KAZN: variants seen among roughly 807,000 people sequenced by gnomAD.
KAZN encodes the protein kazrin, periplakin interacting protein, also known as kazrin.
A neutral mutation model predicts 87.4 loss-of-function variants in KAZN; 40 were observed. The ratio of observed to expected loss-of-function variants is 0.46; its 90% CI spans 0.36 to 0.60. The LOEUF (loss-of-function observed/expected upper bound fraction) is 0.60, where lower values mean the gene tolerates loss of function less well. Ranked by LOEUF, KAZN falls within the 20% of genes least tolerant of loss-of-function variation. The probability of loss-of-function intolerance (pLI) is 0.00; values close to 1 mark genes in which losing one functional copy is unlikely to be tolerated. For synonymous variants in KAZN, 466 were observed against 458.3 expected, an observed-to-expected ratio of 1.02 and a Z score of -0.22; for missense variants, 898 against 1,073.9, an observed-to-expected ratio of 0.84 and a Z score of 2.29.
At chr1:14,388,288 G>C (rs186874144) in intron 2 of KAZN, among the ~76,000 whole-genome samples, 1 of 152,152 alleles carries the variant, frequency 6.6e-6, no homozygotes, top group African/African-American at 2.4e-5. Context: ...CATTGCTCAC[G>C]CTGGGAGCTG....
chr1:15,036,429 T>G (rs937461961), intron 3 of KAZN, among the ~76,000 whole-genome samples: 4 of 145,236 alleles, frequency 2.8e-5, no homozygotes, highest in Admixed American at 2.7e-4. Flanking sequence ...CCCTGCCTGT[T>G]TGGCCTGGCT....
chr1:14,542,804 C>T (rs2148497667), intron 2 of KAZN, among the ~76,000 whole-genome samples: 1 of 152,314 alleles, frequency 6.6e-6, no homozygotes, highest in East Asian at 1.9e-4. Flanking sequence ...TCGACTCACC[C>T]CGGGCAAGCG....
chr1:13,980,276 C>T (rs1638598946), intron 1 of KAZN, among the ~76,000 whole-genome samples: 1 of 152,128 alleles, frequency 6.6e-6, no homozygotes, highest in Non-Finnish European at 1.5e-5. Flanking sequence ...AAGTAGTTTT[C>T]ATTTCAATAC....
intron 2 of KAZN, among the ~76,000 whole-genome samples, chr1:14,306,532 G>A (rs186584023): frequency 2.4e-4 from 36 of 152,260 alleles, no homozygotes; most frequent in Admixed American, 4.6e-4. Context: ...ATCTGGGCCT[G>A]GACAGTCATA....
At chr1:15,068,223 G>A (rs1005141691) in intron 8 of KAZN, 5 of 369,584 alleles carry the variant, frequency 1.4e-5, no homozygotes, top group Non-Finnish European at 3.7e-6. Context: ...GGGAGGCACA[G>A]GCTGGCATGA....
At chr1:14,870,842 C>A (rs1326674054) in intron 1 of KAZN, among the ~76,000 whole-genome samples, 1 of 152,146 alleles carries the variant, frequency 6.6e-6, no homozygotes, top group African/African-American at 2.4e-5. Context: ...GAATCTTACT[C>A]CACAACCAAG....
intron 1 of KAZN, among the ~76,000 whole-genome samples, chr1:14,747,024 A>G (rs1485970673): frequency 1.3e-5 from 2 of 152,116 alleles, no homozygotes; most frequent in Non-Finnish European, 2.9e-5. Context: ...GGTAGTTTCT[A>G]TTCTACCTTC....
chr1:14,883,345 A>AGG (rs1491202513), intron 1 of KAZN, among the ~76,000 whole-genome samples: 1 of 28,518 alleles, frequency 3.5e-5, no homozygotes, highest in African/African-American at 8.5e-5. Context: ...AGAGAGAGAA[A>AGG]GAAAGAAAGA....
intron 1 of KAZN, among the ~76,000 whole-genome samples, chr1:14,729,796 C>T (rs2050125): frequency 0.26 from 39,057 of 152,106 alleles, 5,640 homozygotes; most frequent in South Asian, 0.37. Flanking sequence ...ACTACCCAGC[C>T]TGTTTCCGTG....
intron 2 of KAZN, among the ~76,000 whole-genome samples, chr1:15,018,026 G>A (rs1174422821): frequency 6.6e-6 from 1 of 151,908 alleles, no homozygotes; most frequent in Non-Finnish European, 1.5e-5. Flanking sequence ...TCTCCCCTCT[G>A]ATCTCCCTGG....
rs75478899 is a variant in KAZN at position 14,766,377 on chromosome 1, C to T, written c.226+167154C>T. On this transcript the variant is annotated intron_variant, in intron 1 of 14. Transcript: ENST00000376030. ...CATGCCCCAAGCACTCACTGAGCTG[C>T]CCCAGAGGCTGGGAAAAGGCCTCGG... 4.6e-3 allele frequency among the ~76,000 whole-genome samples: 699 copies of T among 152,030 alleles called. 3 individuals are homozygous for T. The highest frequency in any genetic ancestry group is 0.016 in the African/African-American group (643 of 41,464).
intron 1 of KAZN, among the ~76,000 whole-genome samples, chr1:14,748,527 T>C (rs960540866): frequency 9.9e-5 from 15 of 152,202 alleles, no homozygotes; most frequent in African/African-American, 3.6e-4. Flanking sequence ...ATGGGGATAA[T>C]GATTGAGCCT....
intron 2 of KAZN, among the ~76,000 whole-genome samples, chr1:14,442,581 C>G (rs1487352842): frequency 1.3e-5 from 2 of 152,166 alleles, no homozygotes; most frequent in Non-Finnish European, 2.9e-5. Flanking sequence ...GCTGGGTTAA[C>G]CTGGTGGGGT....
intron 1 of KAZN, among the ~76,000 whole-genome samples, chr1:14,953,166 T>C (rs536542506): frequency 6.6e-6 from 1 of 152,344 alleles, no homozygotes; most frequent in Non-Finnish European, 1.5e-5. Context: ...GCTGACTCCA[T>C]GGCCACACCC....
intron 1 of KAZN, among the ~76,000 whole-genome samples, chr1:13,952,013 G>A (rs1032348141): frequency 2.8e-4 from 43 of 152,152 alleles, no homozygotes; most frequent in Non-Finnish European, 5.1e-4. Flanking sequence ...AGTAAAGAAA[G>A]GGTGGTGTCT....
chr1:14,230,908 C>T (rs756737133), intron 2 of KAZN, among the ~76,000 whole-genome samples: 1 of 152,154 alleles, frequency 6.6e-6, no homozygotes, highest in East Asian at 1.9e-4. Flanking sequence ...TAAGGTCTCC[C>T]GTGGGCACCA....
At chr1:14,665,606 C>T (rs1271267197) in intron 1 of KAZN, among the ~76,000 whole-genome samples, 5 of 152,060 alleles carry the variant, frequency 3.3e-5, no homozygotes, top group Admixed American at 6.6e-5. Flanking sequence ...TAGGCCAACT[C>T]CAGGCCTGGA....
chr1:14,296,629 CT>C (rs775666706), intron 2 of KAZN, among the ~76,000 whole-genome samples: 3,783 of 82,706 alleles, frequency 0.046, 20 homozygotes, highest in Middle Eastern at 0.11. Flanking sequence ...TTTTGTATTT[CT>C]TTTTTTTTTT....
intron 1 of KAZN, among the ~76,000 whole-genome samples, chr1:14,725,079 AAG>A (rs1450026164): frequency 6.6e-6 from 1 of 152,226 alleles, no homozygotes; most frequent in African/African-American, 2.4e-5. Flanking sequence ...TACCAGAGGA[AAG>A]AAGATCACCA....
Sources: allele counts gnomAD v4.1 joint callset (sites outside exome capture counted in the v4.1 genomes callset), GRCh38; gene constraint gnomAD v4.1.1; transcripts MANE v1.5; gene names NCBI Gene and HGNC (gene_info 2026-07-23, HGNC 2026-07-21).